Variants in GDPD4 observed in about 807,000 individuals in gnomAD.
GDPD4 encodes the protein glycerophosphodiester phosphodiesterase 6.
In GDPD4, 60 loss-of-function variants were observed where a neutral mutation model predicts 67.8. That is an observed-to-expected ratio of 0.88 (90% CI 0.72 to 1.10). The LOEUF (loss-of-function observed/expected upper bound fraction) is 1.10, where lower values mean the gene tolerates loss of function less well. Ranked by LOEUF, GDPD4 falls within the 50% of genes least tolerant of loss-of-function variation. The pLI, the probability that GDPD4 is intolerant of heterozygous loss-of-function variation, is 0.00. For missense variants in GDPD4, 623 were observed against 613.9 expected (o/e 1.01, Z -0.16); for synonymous variants, 212 against 210.9 (o/e 1.00, Z -0.04).
intron 1 of GDPD4, among the ~76,000 whole-genome samples, chr11:77,296,969 G>A (rs184789112): frequency 2.0e-5 from 3 of 150,652 alleles, no homozygotes; most frequent in African/African-American, 7.3e-5. Context: ...CAGAAGAATC[G>A]CTTGAACCCA....
intron 11 of GDPD4, among the ~76,000 whole-genome samples, chr11:77,252,062 T>TG (rs1565523288): frequency 1.9e-4 from 24 of 125,284 alleles, no homozygotes; most frequent in African/African-American, 7.0e-4. Context: ...TTGTTTTTTT[T>TG]TTGTTTTTTT....
At chr11:77,272,712 G>C (rs1959272222) in intron 5 of GDPD4, among the ~76,000 whole-genome samples, 1 of 151,794 alleles carries the variant, frequency 6.6e-6, no homozygotes, top group Non-Finnish European at 1.5e-5. Context: ...GGAGGCAGAA[G>C]TTGCAGTGAG....
intron 16 of GDPD4, among the ~76,000 whole-genome samples, chr11:77,219,649 T>C (rs1347537606): frequency 6.6e-6 from 1 of 152,186 alleles, no homozygotes; most frequent in Non-Finnish European, 1.5e-5. Context: ...TTTCCCCATT[T>C]CTTGTTTTTG....
At chr11:77,296,023 G>T (rs1411857107) in intron 1 of GDPD4, among the ~76,000 whole-genome samples, 1 of 151,816 alleles carries the variant, frequency 6.6e-6, no homozygotes, top group Non-Finnish European at 1.5e-5. Context: ...AGGCCGAGGC[G>T]GGCAGATCAC....
intron 5 of GDPD4, among the ~76,000 whole-genome samples, chr11:77,272,800 G>T (rs979214101): frequency 6.6e-6 from 1 of 150,692 alleles, no homozygotes; most frequent in Admixed American, 6.6e-5. Context: ...ATTTTTTTTT[G>T]AGTGAATATG....
At chr11:77,276,294 C>T in intron 4 of GDPD4, 74 bp from the exon 5 acceptor site, 1 of 1,107,388 alleles carries the variant, frequency 9.0e-7, no homozygotes, top group Non-Finnish European at 1.4e-6. Flanking sequence ...GTTCCTATAG[C>T]TCCAAATTCC....
chr11:77,271,159 G>C lies in GDPD4; in HGVS notation c.371C>G (p.Ala124Gly), dbSNP rs748659400. 1.2e-6 allele frequency: 2 copies of C among 1,612,364 alleles called. No individual in the cohort carries two copies. Among genetic ancestry groups the C allele is most frequent in the South Asian group, 2.2e-5 (2 of 90,704 alleles). ...TCTTTCCAAACATGCCACGTAGAAG[G>C]CCACAGGCCAGAAAAGGATAACCAT... ...TVMVILFWPV[A>G]FYVACLEREV... The change falls in exon 7 of 17, where the codon GCC becomes GGC. Residue 124 changes from alanine to glycine, a missense_variant. Coordinates refer to ENST00000315938, the MANE Select transcript of GDPD4 (RefSeq NM_182833.3).
At chr11:77,256,041 A>T (rs1336765881) in intron 11 of GDPD4, among the ~76,000 whole-genome samples, 2 of 152,220 alleles carry the variant, frequency 1.3e-5, no homozygotes, top group Non-Finnish European at 2.9e-5. Flanking sequence ...GTTGTCTTTC[A>T]GCAATAAGGA....
At chr11:77,286,320 A>G (rs1347701287) in intron 2 of GDPD4, among the ~76,000 whole-genome samples, 2 of 152,046 alleles carry the variant, frequency 1.3e-5, no homozygotes, top group Non-Finnish European at 2.9e-5. Flanking sequence ...CTCTCACTAT[A>G]TTGAGATTGT....
At chr11:77,284,878 C>T (rs1959929032) in intron 3 of GDPD4, among the ~76,000 whole-genome samples, 1 of 152,128 alleles carries the variant, frequency 6.6e-6, no homozygotes, top group Admixed American at 6.5e-5. Flanking sequence ...TGAGACTGAG[C>T]ACAGTGGAAG....
At chr11:77,218,907 G>A (rs1218300746) in intron 16 of GDPD4, among the ~76,000 whole-genome samples, 2 of 152,200 alleles carry the variant, frequency 1.3e-5, no homozygotes, top group Non-Finnish European at 2.9e-5. Flanking sequence ...TATATACCCA[G>A]TAATGGGATC....
chr11:77,246,244 G>A (rs1226322331), intron 11 of GDPD4, among the ~76,000 whole-genome samples: 5 of 152,208 alleles, frequency 3.3e-5, no homozygotes, highest in African/African-American at 1.2e-4. Context: ...CTATGATTGT[G>A]CCATTGCACT....
chr11:77,217,247 G>C lies in GDPD4; in HGVS notation c.*30C>G. The C allele has an allele frequency of 6.4e-7, 1 of 1,558,088 alleles. No homozygotes were observed. Among genetic ancestry groups the C allele is most frequent in the South Asian group, 1.1e-5 (1 of 89,864 alleles). ...AGGACCTTCCACAACTCGGACAGGA[G>C]GTTTCATGGCTATGTGCAAATCTAT... is the stretch of plus-strand genomic sequence containing the variant. On this transcript the variant is annotated 3_prime_UTR_variant, in exon 17 of 17. Transcript: ENST00000315938.
intron 1 of GDPD4, among the ~76,000 whole-genome samples, chr11:77,297,414 T>C (rs1423675888): frequency 1.3e-5 from 2 of 151,490 alleles, no homozygotes; most frequent in African/African-American, 2.4e-5. Context: ...CTGGTGCCTG[T>C]AGTCCCAGCT....
In GDPD4 at chr11:77,276,240, A is replaced by G; in HGVS notation, c.148-20T>C. The G allele has an allele frequency of 6.2e-7, 1 of 1,607,290 alleles. No homozygotes were observed. The highest frequency in any genetic ancestry group is 8.5e-7 in the Non-Finnish European group (1 of 1,173,850). On this transcript the variant is annotated intron_variant, in intron 4 of 16. Coordinates refer to ENST00000315938, the MANE Select transcript of GDPD4 (RefSeq NM_182833.3). ...AAGTAACTGCAAAAGCAAAGAAGAA[A>G]AAGAGAGTTATTTTGAAATCACCAA...
intron 5 of GDPD4, among the ~76,000 whole-genome samples, chr11:77,275,636 A>G (rs1026218341): frequency 2.0e-5 from 3 of 152,104 alleles, no homozygotes; most frequent in Non-Finnish European, 4.4e-5. Context: ...TCGTTTCTCC[A>G]TCTCCTCTTC....
At chr11:77,239,594 A>C (rs1452452572) in intron 13 of GDPD4, among the ~76,000 whole-genome samples, 1 of 152,218 alleles carries the variant, frequency 6.6e-6, no homozygotes, top group Non-Finnish European at 1.5e-5. Context: ...TACAATAGCA[A>C]CAAAAATAGA....
chr11:77,237,141 C>T (rs1028527936), intron 13 of GDPD4, among the ~76,000 whole-genome samples: 3 of 152,164 alleles, frequency 2.0e-5, no homozygotes, highest in African/African-American at 7.2e-5. Flanking sequence ...CATGACTCAA[C>T]TGCTCCCCTT....
intron 13 of GDPD4, among the ~76,000 whole-genome samples, chr11:77,239,677 G>A (rs1958627813): frequency 6.6e-6 from 1 of 152,024 alleles, no homozygotes; most frequent in African/African-American, 2.4e-5. Context: ...CTGATGAAAG[G>A]GGCCGGGTGC....
Sources: gnomAD v4.1 joint callset for allele counts (sites outside exome capture counted in the v4.1 genomes callset) on GRCh38, gnomAD v4.1.1 for gene constraint, MANE v1.5 for transcripts, NCBI Gene and HGNC (gene_info 2026-07-23, HGNC 2026-07-21) for gene names.